LMF1: variants seen among roughly 807,000 people sequenced by gnomAD.
LMF1 encodes transmembrane protein 112.
In LMF1, 68 loss-of-function variants were observed where a neutral mutation model predicts 60.6. That is an observed-to-expected ratio of 1.12 (90% CI 0.92 to 1.37). The LOEUF is 1.37. LMF1 is among the 40% of genes most tolerant of loss of function. The pLI is 0.00. For synonymous variants in LMF1, 418 were observed against 324.7 expected (o/e 1.29, Z -3.09); for missense variants, 948 against 767.2 (o/e 1.24, Z -2.78).
At position 869,866 on chromosome 16, in the gene LMF1, C is replaced by G. The variant is rs1454674075; in HGVS notation, c.1416+17G>C. The G allele has an allele frequency of 6.2e-7, 1 of 1,607,274 alleles. No individual in the cohort carries two copies. Among genetic ancestry groups the G allele is most frequent in the Non-Finnish European group, 8.5e-7 (1 of 1,177,914 alleles). On this transcript the variant is annotated intron_variant, in intron 9 of 10. Coordinates refer to ENST00000262301, the MANE Select transcript of LMF1 (RefSeq NM_022773.4). ...GGTACAGGCAGGTCCATGCGCCCGC[C>G]AGGGACCGTCCCCCACCTGGAAGGC...
intron 1 of LMF1, among the ~76,000 whole-genome samples, chr16:966,079 T>C (rs2072916648): frequency 6.6e-6 from 1 of 152,086 alleles, no homozygotes; most frequent in Non-Finnish European, 1.5e-5. Flanking sequence ...GGGCTAAGTC[T>C]GAAGGCCAGA....
At position 879,594 on chromosome 16, in the gene LMF1, G is replaced by A. The variant is rs370884651; in HGVS notation, c.873C>T (p.His291=). 1.1e-5 allele frequency: 17 copies of A among 1,612,994 alleles called. No homozygotes were observed. The highest frequency in any genetic ancestry group is 4.5e-5 in the East Asian group (2 of 44,868). The change falls in exon 6 of 11, where the codon CAC becomes CAT. Residue 291 remains histidine, a synonymous_variant. Transcript: ENST00000262301. The part of the protein sequence containing the change: ...LFLGRRACII[H]GVLQILFQAV... ...CCTGGAACAGGATCTGCAGCACCCC[G>A]TGGATGATGCACGCCCGCCGGCCGA...
At chr16:863,266 A>G (rs1417589048) in intron 10 of LMF1, among the ~76,000 whole-genome samples, 5 of 152,068 alleles carry the variant, frequency 3.3e-5, no homozygotes, top group Non-Finnish European at 7.4e-5. Flanking sequence ...TCAGCCTCCC[A>G]AGTAGCTGGG....
chr16:857,514 C>T (rs1467230248), intron 10 of LMF1, among the ~76,000 whole-genome samples: 4 of 73,030 alleles, frequency 5.5e-5, no homozygotes, highest in Admixed American at 4.3e-4. Context: ...TGTCTCGGGA[C>T]GGGTGTGAGT....
intron 10 of LMF1, among the ~76,000 whole-genome samples, chr16:859,044 CACGGGACGG>C (rs2069324519): frequency 2.3e-5 from 2 of 87,030 alleles, no homozygotes; most frequent in Non-Finnish European, 4.3e-5. Flanking sequence ...TGAGTGATGT[CACGGGACGG>C]GTGTGAGTGG....
chr16:966,397 C>A (rs985382774), intron 1 of LMF1, among the ~76,000 whole-genome samples: 9 of 152,360 alleles, frequency 5.9e-5, no homozygotes, highest in Middle Eastern at 3.4e-3. Flanking sequence ...ACTCGGCCCC[C>A]ACAAACACAT....
intron 3 of LMF1, among the ~76,000 whole-genome samples, chr16:913,902 C>T (rs1309756893): frequency 6.6e-6 from 1 of 152,224 alleles, no homozygotes; most frequent in Non-Finnish European, 1.5e-5. Context: ...CCCGACACCC[C>T]GACAGGGATT....
chr16:909,452 C>T (rs1240063607), intron 4 of LMF1, among the ~76,000 whole-genome samples: 10 of 152,138 alleles, frequency 6.6e-5, no homozygotes, highest in African/African-American at 2.2e-4. Flanking sequence ...CCACGCTATG[C>T]GCTACAGCGA....
At chr16:970,496 C>T (rs1191276198) in intron 1 of LMF1, among the ~76,000 whole-genome samples, 1 of 152,172 alleles carries the variant, frequency 6.6e-6, no homozygotes, top group Admixed American at 6.5e-5. Flanking sequence ...CGCATAGCCC[C>T]GAGCCGGTCC....
chr16:952,822 C>CACTGCTTCTG (rs2151471711), intron 2 of LMF1, among the ~76,000 whole-genome samples: 1 of 141,190 alleles, frequency 7.1e-6, no homozygotes, highest in African/African-American at 2.7e-5. Context: ...GACACCCACC[C>CACTGCTTCTG]CAAACCAGCC....
At chr16:963,478 T>C (rs1487015775) in intron 1 of LMF1, among the ~76,000 whole-genome samples, 1 of 152,064 alleles carries the variant, frequency 6.6e-6, no homozygotes. Flanking sequence ...CACGGGTGTA[T>C]GCATGTCTCT....
At chr16:929,333 C>T (rs568224928) in intron 3 of LMF1, among the ~76,000 whole-genome samples, 11 of 152,310 alleles carry the variant, frequency 7.2e-5, no homozygotes, top group African/African-American at 2.4e-4. Context: ...CTAGGCATGG[C>T]GCCCCATGGG....
chr16:942,900 G>A (rs1044182869), intron 2 of LMF1, among the ~76,000 whole-genome samples: 11 of 152,166 alleles, frequency 7.2e-5, no homozygotes, highest in South Asian at 2.1e-4. Context: ...AGCTCTGCTC[G>A]TTTCAATCTT....
In LMF1 at chr16:854,630, C is replaced by T. The variant is rs1395199265; in HGVS notation, c.1606G>A (p.Val536Met). The change falls in exon 11 of 11, where the codon GTG becomes ATG. Residue 536 changes from valine to methionine, a missense_variant. Physicochemically the swap from Val to Met is conservative, Grantham distance 21 (BLOSUM62 1). Coordinates refer to ENST00000262301, the MANE Select transcript of LMF1 (RefSeq NM_022773.4). ...AAGTAGGCTCCGATCCTCTTCCGCA[C>T]CCACCACTTGCCCTCGGCGGCGTGC... ...GRHAAEGKWW[V>M]RKRIGAYFPP... is the part of the protein sequence containing the mutation. 1.2e-6 allele frequency: 2 copies of T among 1,607,334 alleles called. No individual in the cohort carries two copies. Among genetic ancestry groups the T allele is most frequent in the African/African-American group, 2.7e-5 (2 of 74,848 alleles).
chr16:969,020 A>G (rs903210790), intron 1 of LMF1: 1 of 152,230 alleles, frequency 6.6e-6, no homozygotes, highest in Non-Finnish European at 1.5e-5. Context: ...CAACCTGGGA[A>G]GAACTACTTT....
At chr16:889,245 G>A (rs562785791) in intron 5 of LMF1, among the ~76,000 whole-genome samples, 1 of 152,350 alleles carries the variant, frequency 6.6e-6, no homozygotes, top group East Asian at 1.9e-4. Flanking sequence ...CCCTTCTCTT[G>A]GAACTTGGGG....
rs145478396 is a variant in LMF1 at position 889,093 on chromosome 16, G to C, written c.729+3914C>G. On this transcript the variant is annotated intron_variant, in intron 5 of 10. Transcript: ENST00000262301. ...GGGTCTGCACTCACCCTGGGTAGAG[G>C]TCGTCAGAACTGAGTTAGCTGCAGG... 4.6e-5 allele frequency among the ~76,000 whole-genome samples: 7 copies of C among 152,348 alleles called. No homozygotes were observed. The East Asian group carries it at 1.4e-3, about 29-fold the overall frequency.
intron 2 of LMF1, among the ~76,000 whole-genome samples, chr16:951,339 GACA>G (rs1385579728): frequency 6.6e-6 from 1 of 152,202 alleles, no homozygotes; most frequent in African/African-American, 2.4e-5. Flanking sequence ...CAAAGTCAGA[GACA>G]ACGACAGAGT....
intron 3 of LMF1, among the ~76,000 whole-genome samples, chr16:929,320 G>A (rs2071702107): frequency 6.6e-6 from 1 of 152,210 alleles, no homozygotes; most frequent in Non-Finnish European, 1.5e-5. Flanking sequence ...ACAGAACCAG[G>A]TGCTAGGCAT....
Sources: allele counts gnomAD v4.1 joint callset (sites outside exome capture counted in the v4.1 genomes callset), GRCh38; gene constraint gnomAD v4.1.1; transcripts MANE v1.5; gene names NCBI Gene and HGNC (gene_info 2026-07-23, HGNC 2026-07-21).